Variants in SCD5 observed in about 807,000 individuals in gnomAD.
SCD5 encodes stearoyl-CoA desaturase 5, also known as acyl-CoA-desaturase 4.
In SCD5, 20 loss-of-function variants were observed where a neutral mutation model predicts 30.4. The ratio of observed to expected loss-of-function variants is 0.66; its 90% CI spans 0.46 to 0.96. The LOEUF (loss-of-function observed/expected upper bound fraction) is 0.96. SCD5 is among the 40% of genes least tolerant of loss of function. The probability of loss-of-function intolerance (pLI) is 0.00; values close to 1 mark genes in which losing one functional copy is unlikely to be tolerated. For missense variants in SCD5, 381 were observed against 443.3 expected (o/e 0.86, Z 1.26); for synonymous variants, 173 against 176.4 (o/e 0.98, Z 0.16).
chr4:82,771,754 C>CT (rs1229275969), intron 1 of SCD5, among the ~76,000 whole-genome samples: 1 of 152,140 alleles, frequency 6.6e-6, no homozygotes, highest in Non-Finnish European at 1.5e-5. Context: ...GGACAAAAGG[C>CT]TTTGAGTTCA....
At chr4:82,738,704 T>A (rs976732108) in intron 1 of SCD5, among the ~76,000 whole-genome samples, 2 of 152,166 alleles carry the variant, frequency 1.3e-5, no homozygotes, top group Non-Finnish European at 2.9e-5. Context: ...CATATCCAAC[T>A]GGTGAGAGGG....
intron 2 of SCD5, among the ~76,000 whole-genome samples, chr4:82,702,317 G>C (rs544361047): frequency 6.6e-6 from 1 of 151,432 alleles, no homozygotes; most frequent in African/African-American, 2.4e-5. Context: ...GCTAATTTTC[G>C]TATTTTTAGT....
At chr4:82,682,706 G>A (rs893235425) in intron 2 of SCD5, among the ~76,000 whole-genome samples, 1 of 152,262 alleles carries the variant, frequency 6.6e-6, no homozygotes, top group Non-Finnish European at 1.5e-5. Flanking sequence ...GAGTACAGTG[G>A]TGCAATCACA....
At chr4:82,792,498 C>T (rs1722118894) in intron 1 of SCD5, among the ~76,000 whole-genome samples, 1 of 152,166 alleles carries the variant, frequency 6.6e-6, no homozygotes, top group African/African-American at 2.4e-5. Flanking sequence ...TCGCTGGATC[C>T]CAAGAGTTCA....
At chr4:82,738,572 A>G (rs547084590) in intron 1 of SCD5, among the ~76,000 whole-genome samples, 10 of 152,096 alleles carry the variant, frequency 6.6e-5, no homozygotes, top group Admixed American at 1.3e-4. Context: ...AAAGCCACTC[A>G]CCCATTCCTT....
At chr4:82,731,635 A>G (rs1720644894) in intron 1 of SCD5, among the ~76,000 whole-genome samples, 1 of 152,216 alleles carries the variant, frequency 6.6e-6, no homozygotes, top group Non-Finnish European at 1.5e-5. Flanking sequence ...GAGTATCTGC[A>G]TCCCACACAG....
intron 1 of SCD5, among the ~76,000 whole-genome samples, chr4:82,714,648 G>A (rs968534985): frequency 6.6e-6 from 1 of 152,088 alleles, no homozygotes; most frequent in Non-Finnish European, 1.5e-5. Context: ...AGCCAGGTCT[G>A]GAAGGGACTC....
intron 1 of SCD5, among the ~76,000 whole-genome samples, chr4:82,740,915 G>A (rs1340318972): frequency 4.7e-5 from 7 of 148,318 alleles, no homozygotes; most frequent in Admixed American, 2.7e-4. Flanking sequence ...GACTAAGGTG[G>A]AGTCTCTTTT....
At position 82,797,923 on chromosome 4, in the gene SCD5, C is replaced by T. The variant is rs1472925979; in HGVS notation, c.232+383G>A. Among the ~76,000 whole-genome samples the T allele has an allele frequency of 2.0e-5, 3 of 152,178 alleles. No individual in the cohort carries two copies. In the East Asian group the frequency reaches 5.8e-4, roughly 29 times the overall value. On this transcript the variant is annotated intron_variant, in intron 1 of 4. Transcript: ENST00000319540. ...GGACCGCAGAGGTGACACAATCGCCCGCCCGTCCTCCCTCGCTGGGAGCCG... is the reference window on the plus strand; with the variant it reads ...GGACCGCAGAGGTGACACAATCGCCTGCCCGTCCTCCCTCGCTGGGAGCCG...
At position 82,680,197 on chromosome 4, in the gene SCD5, G is replaced by A. The variant is rs190076412; in HGVS notation, c.569+510C>T. On this transcript the variant is annotated intron_variant, in intron 3 of 4. Coordinates refer to ENST00000319540, the MANE Select transcript of SCD5 (RefSeq NM_001037582.3). ...TATGAGTGCTTTGAGGCCTTCTGTT[G>A]AATGGTCTCATTTTCTCTGCACAGA... Among the ~76,000 whole-genome samples, 3 of 152,340 alleles carry A rather than the reference G, an allele frequency of 2.0e-5. No individual in the cohort carries two copies. In the East Asian group the frequency reaches 5.8e-4, roughly 29 times the overall value.
chr4:82,675,331 T>C (rs73829962), intron 3 of SCD5, among the ~76,000 whole-genome samples: 2,026 of 152,172 alleles, frequency 0.013, 45 homozygotes, highest in African/African-American at 0.047. Context: ...AAAGAGGGTA[T>C]CACTGAGAAA....
At chr4:82,706,865 C>G (rs1719982747) in intron 1 of SCD5, among the ~76,000 whole-genome samples, 1 of 152,218 alleles carries the variant, frequency 6.6e-6, no homozygotes, top group Admixed American at 6.5e-5. Context: ...ACTTCATTTT[C>G]TTGCTTAATC....
At chr4:82,784,883 C>T (rs1236098139) in intron 1 of SCD5, among the ~76,000 whole-genome samples, 3 of 152,220 alleles carry the variant, frequency 2.0e-5, no homozygotes, top group East Asian at 3.8e-4. Context: ...CAGGCAATAA[C>T]CCTTTAGCTC....
At chr4:82,770,063 C>T (rs1420484979) in intron 1 of SCD5, among the ~76,000 whole-genome samples, 1 of 152,022 alleles carries the variant, frequency 6.6e-6, no homozygotes, top group Non-Finnish European at 1.5e-5. Flanking sequence ...ATTTTAAGTT[C>T]TAGGGTACGT....
intron 1 of SCD5, among the ~76,000 whole-genome samples, chr4:82,764,271 A>G (rs1261566094): frequency 1.3e-5 from 2 of 152,258 alleles, no homozygotes; most frequent in African/African-American, 2.4e-5. Flanking sequence ...TAAAAAGAAC[A>G]GTTGCATCAT....
intron 1 of SCD5, among the ~76,000 whole-genome samples, chr4:82,718,015 A>G (rs538577716): frequency 6.6e-6 from 1 of 151,748 alleles, no homozygotes; most frequent in Admixed American, 6.5e-5. Context: ...GTGAAAAAAA[A>G]AAAAGAATAA....
intron 3 of SCD5, among the ~76,000 whole-genome samples, chr4:82,664,409 C>G (rs1008213495): frequency 5.4e-5 from 8 of 148,142 alleles, no homozygotes; most frequent in Non-Finnish European, 1.5e-5. Flanking sequence ...TAATGTTCAG[C>G]ATTCAATTAA....
intron 1 of SCD5, among the ~76,000 whole-genome samples, chr4:82,745,800 C>A (rs1720970217): frequency 6.6e-6 from 1 of 152,138 alleles, no homozygotes. Context: ...TCAGATAATA[C>A]TGCATATCAC....
At chr4:82,675,543 T>G (rs1728417345) in intron 3 of SCD5, among the ~76,000 whole-genome samples, 1 of 152,216 alleles carries the variant, frequency 6.6e-6, no homozygotes. Flanking sequence ...ATCCATTTTC[T>G]TTCAGTTTAT....
Sources: allele counts gnomAD v4.1 joint callset (sites outside exome capture counted in the v4.1 genomes callset), GRCh38; gene constraint gnomAD v4.1.1; transcripts MANE v1.5; gene names NCBI Gene and HGNC (gene_info 2026-07-23, HGNC 2026-07-21).